The following MCF2L2 variants were observed in gnomAD, a reference collection of about 807,000 sequenced individuals.
MCF2L2 encodes the protein MCF.2 cell line derived transforming sequence-like 2, also known as probable guanine nucleotide exchange factor MCF2L2.
A neutral mutation model predicts 150.2 loss-of-function variants in MCF2L2; 102 were observed. The ratio of observed to expected loss-of-function variants is 0.68; its 90% CI spans 0.58 to 0.80. The LOEUF is 0.80. Among genes scored for constraint, MCF2L2 ranks in the 30% least tolerant of loss-of-function variants. The probability of loss-of-function intolerance (pLI) is 0.00; values close to 1 mark genes in which losing one functional copy is unlikely to be tolerated. For missense variants in MCF2L2, 1,256 were observed against 1,372.8 expected (o/e 0.91, Z 1.34); for synonymous variants, 465 against 491.3 (o/e 0.95, Z 0.71).
intron 1 of MCF2L2, among the ~76,000 whole-genome samples, chr3:183,393,377 G>A (rs1164101707): frequency 1.3e-5 from 2 of 151,868 alleles, no homozygotes; most frequent in African/African-American, 4.8e-5. Context: ...ATTTTCAGTA[G>A]GGACAGGGTT....
chr3:183,405,872 T>C (rs978440141), intron 1 of MCF2L2, among the ~76,000 whole-genome samples: 6 of 152,136 alleles, frequency 3.9e-5, no homozygotes, highest in Non-Finnish European at 8.8e-5. Context: ...CAAGCCACCA[T>C]GCCCAGCTAA....
chr3:183,206,971 AAGGG>A (rs796822181), intron 23 of MCF2L2, among the ~76,000 whole-genome samples: 709 of 18,352 alleles, frequency 0.039, 22 homozygotes, highest in East Asian at 0.09. Flanking sequence ...GGAAGGAAGG[AAGGG>A]AGGGAGGGAG....
intron 21 of MCF2L2, among the ~76,000 whole-genome samples, chr3:183,218,904 C>A (rs1387835288): frequency 6.6e-6 from 1 of 152,166 alleles, no homozygotes. Context: ...TGACCTGTGT[C>A]CTGAGCTGCT....
chr3:183,297,428 T>C, intron 11 of MCF2L2: 1 of 408,362 alleles, frequency 2.4e-6, no homozygotes. Flanking sequence ...TAACAGTAAT[T>C]GCTACATCTC....
chr3:183,289,366 G>A lies in MCF2L2; in HGVS notation c.1676-146C>T, dbSNP rs556725818. The A allele has an allele frequency of 2.2e-5, 13 of 594,952 alleles. No homozygotes were observed. The South Asian group carries it at 2.8e-4, about 13-fold the overall frequency. The allele number at this position is 594,952 out of a possible 1,614,324, so 36.9% of individuals were successfully genotyped here. A position where few individuals can be genotyped will look rare whatever the true frequency, so the allele number is the denominator to read the frequency against. On this transcript the variant is annotated intron_variant, in intron 13 of 29. Transcript: ENST00000328913. ...GCTGCTGCGTTGATTTCCTAGGGCT[G>A]GATGAAATTGGAGGTGAAGGAGAGA...
chr3:183,325,542 T>A (rs1337829025), intron 5 of MCF2L2, among the ~76,000 whole-genome samples: 1 of 152,226 alleles, frequency 6.6e-6, no homozygotes, highest in Non-Finnish European at 1.5e-5. Flanking sequence ...TAAAAGGTAT[T>A]TATTCTTTCT....
intron 1 of MCF2L2, among the ~76,000 whole-genome samples, chr3:183,401,292 A>C (rs1329343912): frequency 6.6e-6 from 1 of 152,226 alleles, no homozygotes; most frequent in East Asian, 1.9e-4. Flanking sequence ...AAGAAAGAGC[A>C]CAATGTGAAA....
chr3:183,211,270 C>T lies in MCF2L2; in HGVS notation c.2497-3447G>A, dbSNP rs144701187. 5.0e-3 allele frequency among the ~76,000 whole-genome samples: 761 copies of T among 152,248 alleles called. 9 individuals are homozygous for T. Among genetic ancestry groups the T allele is most frequent in the African/African-American group, 0.017 (706 of 41,548 alleles). ...TGTGGATCCTGGGTTTGCTCAGTTC[C>T]CATCTCCGCGAACTTGGCTTTGCCA... is the stretch of plus-strand genomic sequence containing the variant. On this transcript the variant is annotated intron_variant, in intron 22 of 29. Transcript: ENST00000328913.
intron 1 of MCF2L2, among the ~76,000 whole-genome samples, chr3:183,391,215 C>G (rs9290756): frequency 6.6e-6 from 1 of 151,700 alleles, no homozygotes; most frequent in Non-Finnish European, 1.5e-5. Flanking sequence ...AGTTATATCC[C>G]TTGTTCTGAA....
intron 3 of MCF2L2, among the ~76,000 whole-genome samples, chr3:183,352,990 C>T (rs911001055): frequency 2.6e-5 from 4 of 152,044 alleles, no homozygotes; most frequent in Non-Finnish European, 4.4e-5. Context: ...TTATCCGCTT[C>T]GAGGTAACGA....
rs1479993829 is a variant in MCF2L2 at position 183,179,053 on chromosome 3, A to G, written c.*327T>C. 3.7e-6 allele frequency: 1 copy of G among 270,302 alleles called. No homozygotes were observed. Among genetic ancestry groups the G allele is most frequent in the Non-Finnish European group, 6.9e-6 (1 of 145,028 alleles). 16.7% of individuals were successfully genotyped at this position (270,302 alleles called of 1,614,324 possible). A position where few individuals can be genotyped will look rare whatever the true frequency, so the allele number is the denominator to read the frequency against. The stretch of plus-strand genomic sequence containing the variant: ...GTAGAGGCCAGGGGTGCTACTAAAC[A>G]TCCTACCGTGGGAGCACAGAGAAGC... On this transcript the variant is annotated 3_prime_UTR_variant, in exon 30 of 30. Coordinates refer to ENST00000328913, the MANE Select transcript of MCF2L2 (RefSeq NM_015078.4). The surrounding 1 kb of genome is among the most constrained non-coding windows in gnomAD (Gnocchi z 4.2).
intron 1 of MCF2L2, among the ~76,000 whole-genome samples, chr3:183,411,381 G>A (rs901526131): frequency 3.9e-5 from 6 of 152,236 alleles, no homozygotes; most frequent in Admixed American, 1.3e-4. Context: ...ACTCATTTGG[G>A]AAGAGCTGGT....
At chr3:183,367,271 G>A (rs1186376691) in intron 3 of MCF2L2, among the ~76,000 whole-genome samples, 1 of 150,372 alleles carries the variant, frequency 6.7e-6, no homozygotes, top group African/African-American at 2.5e-5. Flanking sequence ...TGTTGCCCAG[G>A]CTGGAGTGCA....
intron 1 of MCF2L2, among the ~76,000 whole-genome samples, chr3:183,424,244 CAT>C (rs1457317234): frequency 6.6e-6 from 1 of 152,160 alleles, no homozygotes; most frequent in Non-Finnish European, 1.5e-5. Context: ...CACATCTAGA[CAT>C]GTGTTCACAT....
At chr3:183,193,127 A>G in intron 26 of MCF2L2, 31 bp from the exon 27 acceptor site, 1 of 1,573,058 alleles carries the variant, frequency 6.4e-7, no homozygotes, top group Non-Finnish European at 8.7e-7. Flanking sequence ...ATATTGAGTC[A>G]CTGGAAGGAA....
intron 3 of MCF2L2, among the ~76,000 whole-genome samples, chr3:183,349,720 C>T (rs1731037632): frequency 6.6e-6 from 1 of 152,182 alleles, no homozygotes; most frequent in African/African-American, 2.4e-5. Flanking sequence ...AATAACTTGC[C>T]TGATATCACA....
intron 1 of MCF2L2, among the ~76,000 whole-genome samples, chr3:183,392,226 T>C (rs968775926): frequency 1.3e-5 from 2 of 152,246 alleles, no homozygotes; most frequent in Non-Finnish European, 2.9e-5. Flanking sequence ...CGCCATCTCA[T>C]TTTTCAAATG....
intron 15 of MCF2L2, among the ~76,000 whole-genome samples, chr3:183,238,560 TG>T (rs1176635032): frequency 6.6e-6 from 1 of 151,644 alleles, no homozygotes; most frequent in Non-Finnish European, 1.5e-5. Flanking sequence ...CCCAAAGTGC[TG>T]GGATTACAGG....
intron 3 of MCF2L2, among the ~76,000 whole-genome samples, chr3:183,355,025 C>T (rs1370729772): frequency 3.3e-5 from 5 of 151,404 alleles, no homozygotes; most frequent in Admixed American, 2.6e-4. Context: ...GTTTAAAGCA[C>T]TGGCATAAAA....
Sources: allele counts gnomAD v4.1 joint callset (sites outside exome capture counted in the v4.1 genomes callset), GRCh38; gene constraint gnomAD v4.1.1; non-coding constraint Gnocchi (gnomAD v3.1); transcripts MANE v1.5; gene names NCBI Gene and HGNC (gene_info 2026-07-23, HGNC 2026-07-21).